RGS12: variants seen among roughly 807,000 people sequenced by gnomAD.
The protein encoded by RGS12 is regulator of G-protein signaling 12.
Under a neutral mutation model 120.1 loss-of-function variants are expected in RGS12, and 66 were observed. The observed-to-expected ratio is 0.55, with a 90% confidence interval of 0.45 to 0.67. RGS12 has a LOEUF of 0.67. Among genes scored for constraint, RGS12 ranks in the 30% least tolerant of loss-of-function variants. RGS12 has a pLI of 0.00. For missense variants in RGS12, 1,859 were observed against 1,957.7 expected, an observed-to-expected ratio of 0.95 and a Z score of 0.95; for synonymous variants, 827 against 804.7, an observed-to-expected ratio of 1.03 and a Z score of -0.47.
At chr4:3,291,413 C>G (rs1723014232), upstream of RGS12, among the ~76,000 whole-genome samples, 1 of 148,154 alleles carries the variant, frequency 6.7e-6, no homozygotes, top group Non-Finnish European at 1.5e-5. Context: ...GTGGCACAAT[C>G]TCGGCTCACA....
At chr4:3,377,298 C>G (rs1234073714) in intron 3 of RGS12, among the ~76,000 whole-genome samples, 3 of 152,190 alleles carry the variant, frequency 2.0e-5, no homozygotes, top group African/African-American at 7.2e-5. Context: ...TCTCGAACTC[C>G]TGAGCTCAAG....
At chr4:3,299,348 T>C (rs989652579) in intron 1 of RGS12, among the ~76,000 whole-genome samples, 33 of 152,164 alleles carry the variant, frequency 2.2e-4, no homozygotes, top group African/African-American at 7.7e-4. Context: ...TATCTTGGAC[T>C]CTTCAAGCTG....
chr4:3,337,136 A>G (rs567831550), intron 2 of RGS12, among the ~76,000 whole-genome samples: 6 of 152,340 alleles, frequency 3.9e-5, no homozygotes, highest in African/African-American at 9.6e-5. Context: ...AGCGCCAACT[A>G]AACACACAGT....
intron 1 of RGS12, among the ~76,000 whole-genome samples, chr4:3,308,149 C>G (rs533772064): frequency 1.3e-5 from 2 of 152,366 alleles, no homozygotes; most frequent in East Asian, 3.9e-4. Context: ...TGCTAGGGCC[C>G]TGGCCCTGAG....
chr4:3,384,829 G>A (rs1894443), intron 3 of RGS12, among the ~76,000 whole-genome samples: 1 of 152,236 alleles, frequency 6.6e-6, no homozygotes, highest in Non-Finnish European at 1.5e-5. Context: ...GATGCGCATA[G>A]CTGGTGTAGG....
intron 2 of RGS12, among the ~76,000 whole-genome samples, chr4:3,326,306 C>T (rs1475662090): frequency 6.6e-6 from 1 of 152,134 alleles, no homozygotes; most frequent in Admixed American, 6.5e-5. Context: ...GAGCACAGTG[C>T]TGCTATCCTA....
intron 3 of RGS12, among the ~76,000 whole-genome samples, chr4:3,352,629 TA>T (rs1230349544): frequency 6.6e-6 from 1 of 152,230 alleles, no homozygotes; most frequent in African/African-American, 2.4e-5. Context: ...CGTTTTGAGA[TA>T]ATTTTTCTTG....
At chr4:3,343,077 C>G in intron 3 of RGS12, 24 bp downstream of exon 3, 1 of 1,545,972 alleles carries the variant, frequency 6.5e-7, no homozygotes, top group Non-Finnish European at 8.9e-7. Context: ...CATTTTTCTT[C>G]TTTTCTCCTT....
intron 1 of RGS12, among the ~76,000 whole-genome samples, chr4:3,309,676 G>A (rs1469714010): frequency 6.0e-5 from 7 of 117,044 alleles, no homozygotes; most frequent in African/African-American, 2.3e-4. Context: ...AATGGCAGGT[G>A]TCCGCTGAGG....
intron 1 of RGS12, among the ~76,000 whole-genome samples, chr4:3,311,480 T>C (rs1057330611): frequency 2.6e-5 from 4 of 152,224 alleles, no homozygotes; most frequent in African/African-American, 9.6e-5. Flanking sequence ...CTTTACACCA[T>C]GAGTTTTTAA....
chr4:3,301,115 C>T (rs546625292), intron 1 of RGS12, among the ~76,000 whole-genome samples: 36 of 150,436 alleles, frequency 2.4e-4, no homozygotes, highest in Non-Finnish European at 4.3e-4. Flanking sequence ...CTCTGTAACA[C>T]GGGGTCTGTC....
chr4:3,349,629 A>T (rs1714167556), intron 3 of RGS12, among the ~76,000 whole-genome samples: 1 of 152,276 alleles, frequency 6.6e-6, no homozygotes, highest in Non-Finnish European at 1.5e-5. Context: ...TATACTTTGT[A>T]TACTGAAATA....
chr4:3,379,639 A>G (rs965415535), intron 3 of RGS12, among the ~76,000 whole-genome samples: 3 of 152,204 alleles, frequency 2.0e-5, no homozygotes, highest in African/African-American at 7.2e-5. Context: ...ACTTACAATC[A>G]TGATAGAAGG....
chr4:3,423,085 C>G, intron 12 of RGS12, 107 bp downstream of exon 12: 2 of 785,504 alleles, frequency 2.5e-6, no homozygotes, highest in Non-Finnish European at 4.2e-6. Flanking sequence ...ATGCTCCATG[C>G]TGGGCTACGA....
chr4:3,317,996 T>C lies in RGS12; in HGVS notation c.1826T>C (p.Met609Thr), dbSNP rs780076652. Residue 609 changes from methionine (M) to threonine (T), a missense_variant, in exon 2 of 18, where the codon ATG (methionine) becomes ACG (threonine). By Grantham distance (81) the Met-to-Thr change is moderately conservative. Around this residue, in one of 3 missense-constraint regions of RGS12, gnomAD observed 967 missense variants for 994.2 expected, o/e 0.97. Coordinates refer to ENST00000336727, the MANE Select transcript of RGS12 (RefSeq NM_001394154.1). Reference protein sequence around the residue: ...KREWSRKAFGMQSIFGPHRNV... With the variant: ...KREWSRKAFGTQSIFGPHRNV... ...GAGTGGTCCAGGAAGGCCTTTGGAA[T>C]GCAAAGCATTTTTGGTCCCCATCGA... The C allele has an allele frequency of 5.6e-6, 9 of 1,611,430 alleles. No individual in the cohort carries two copies. In the South Asian group the frequency reaches 9.9e-5, roughly 18 times the overall value.
At position 3,374,832 on chromosome 4, in the gene RGS12, G is replaced by C. The variant is rs115248749; in HGVS notation, c.1999-11584G>C. ...CAGAGTGAGCAGCGCCATCCTAGCC[G>C]CCCCTGCTCTTTGCCCCATGGCTTT... On this transcript the variant is annotated intron_variant, in intron 3 of 17. Transcript: ENST00000336727. This position sits in a 1 kb window ranked among gnomAD's most constrained non-coding sequence, Gnocchi z 6.3. 6.6e-6 allele frequency among the ~76,000 whole-genome samples: 1 copy of C among 152,102 alleles called. No homozygotes were observed. The highest frequency in any genetic ancestry group is 1.5e-5 in the Non-Finnish European group (1 of 68,020).
intron 2 of RGS12, among the ~76,000 whole-genome samples, chr4:3,341,870 G>T (rs1041655187): frequency 6.7e-6 from 1 of 148,228 alleles, no homozygotes; most frequent in Non-Finnish European, 1.5e-5. Flanking sequence ...AGGCCCCGGG[G>T]TGTGGGGTGG....
intron 16 of RGS12, 137 bp downstream of exon 16, chr4:3,428,848 C>A: frequency 1.3e-6 from 1 of 750,196 alleles, no homozygotes; most frequent in Non-Finnish European, 2.2e-6. Context: ...CATGTTTCTC[C>A]CGGGGGCAGT....
rs1723840014 is a variant in RGS12, at chr4:3,427,992, C to T, written c.3332-98C>T. The T allele has an allele frequency of 6.7e-6, 8 of 1,185,234 alleles. No individual in the cohort carries two copies. In the South Asian group the frequency reaches 1.0e-4, roughly 15 times the overall value. 73.4% of individuals were successfully genotyped at this position (1,185,234 alleles called of 1,614,324 possible). ...GGGCAGCAGATGCCTTGTGGCTTCTCTACAGCTTTGCTCTCAGAGACAGTA... is the reference window on the plus strand; with the variant it reads ...GGGCAGCAGATGCCTTGTGGCTTCTTTACAGCTTTGCTCTCAGAGACAGTA... On this transcript the variant is annotated intron_variant, in intron 14 of 17. Coordinates refer to ENST00000336727, the MANE Select transcript of RGS12 (RefSeq NM_001394154.1).
Sources: gnomAD v4.1 joint callset for allele counts (sites outside exome capture counted in the v4.1 genomes callset) on GRCh38, gnomAD v4.1.1 for gene constraint, gnomAD v4.1.1 regional missense constraint, Gnocchi (gnomAD v3.1) non-coding constraint, MANE v1.5 for transcripts, NCBI Gene and HGNC (gene_info 2026-07-23, HGNC 2026-07-21) for gene names.